EFCAB11: variants seen among roughly 807,000 people sequenced by gnomAD.
EFCAB11 encodes EF-hand calcium binding domain 11.
In EFCAB11, 14 loss-of-function variants were observed where a neutral mutation model predicts 23.0. The ratio of observed to expected loss-of-function variants is 0.61; its 90% CI spans 0.40 to 0.95. EFCAB11 has a LOEUF of 0.95. EFCAB11 is among the 40% of genes least tolerant of loss of function. The pLI is 0.00. For missense variants in EFCAB11, 198 were observed against 195.8 expected (o/e 1.01, Z -0.07); for synonymous variants, 65 against 66.6 (o/e 0.98, Z 0.11).
At chr14:89,936,423 T>C (rs1306738531) in intron 3 of EFCAB11, among the ~76,000 whole-genome samples, 1 of 152,252 alleles carries the variant, frequency 6.6e-6, no homozygotes, top group Non-Finnish European at 1.5e-5. Context: ...GGAGAAAATG[T>C]ATGTGGATTT....
At chr14:89,823,583 C>G (rs371138594) in intron 5 of EFCAB11, among the ~76,000 whole-genome samples, 2 of 152,086 alleles carry the variant, frequency 1.3e-5, no homozygotes, top group Admixed American at 6.6e-5. Flanking sequence ...TGCTAAGAAG[C>G]TGGAAAATGT....
intron 5 of EFCAB11, among the ~76,000 whole-genome samples, chr14:89,926,339 GCAAT>G (rs1313051738): frequency 1.3e-5 from 2 of 152,022 alleles, no homozygotes; most frequent in Non-Finnish European, 2.9e-5. Flanking sequence ...TTTCCCCCAA[GCAAT>G]CACTCATTTA....
In EFCAB11 at chr14:89,954,622, C is replaced by A. The variant is rs773488062; in HGVS notation, c.39G>T (p.Trp13Cys). 6.2e-7 allele frequency: 1 copy of A among 1,613,670 alleles called. No homozygotes were observed. Among genetic ancestry groups the A allele is most frequent in the Admixed American group, 1.7e-5 (1 of 60,018 alleles). Residue 13 changes from tryptophan to cysteine, a missense_variant, in exon 1 of 6, where the codon TGG (tryptophan) becomes TGT (cysteine). Coordinates refer to ENST00000316738, the MANE Select transcript of EFCAB11 (RefSeq NM_145231.4). The part of the protein sequence containing the change: ...FSEARARSRT[W>C]EASPSEHRKW... ...TCCTGTGTTCCGAGGGACTGGCTTC[C>A]CACGTCCGCGACCTGGCTCTGGCCT... is the stretch of plus-strand genomic sequence containing the variant.
At chr14:89,801,280 A>G (rs1596371324) in intron 5 of EFCAB11, among the ~76,000 whole-genome samples, 1 of 152,106 alleles carries the variant, frequency 6.6e-6, no homozygotes, top group African/African-American at 2.4e-5. Context: ...CCTCTCCCCT[A>G]TCTTCACCAA....
intron 5 of EFCAB11, among the ~76,000 whole-genome samples, chr14:89,918,959 G>T (rs1038901453): frequency 1.3e-5 from 2 of 150,690 alleles, no homozygotes; most frequent in African/African-American, 2.4e-5. Flanking sequence ...CCAGATCTCT[G>T]CATGAAATGG....
At chr14:89,940,327 G>A (rs1489256236) in intron 3 of EFCAB11, among the ~76,000 whole-genome samples, 1 of 152,004 alleles carries the variant, frequency 6.6e-6, no homozygotes. Flanking sequence ...TGTTCCATAG[G>A]AGCCAAAATA....
chr14:89,904,373 C>G (rs539401405), intron 5 of EFCAB11, among the ~76,000 whole-genome samples: 1 of 152,284 alleles, frequency 6.6e-6, no homozygotes, highest in Non-Finnish European at 1.5e-5. Flanking sequence ...TCTAGTCTAT[C>G]ATTGATGGAC....
At chr14:89,862,802 T>C (rs1887966729) in intron 5 of EFCAB11, among the ~76,000 whole-genome samples, 1 of 152,210 alleles carries the variant, frequency 6.6e-6, no homozygotes, top group African/African-American at 2.4e-5. Flanking sequence ...TTTAGTAGGT[T>C]TCTAAATCTT....
intron 5 of EFCAB11, among the ~76,000 whole-genome samples, chr14:89,876,685 G>T (rs1888449291): frequency 6.6e-6 from 1 of 152,198 alleles, no homozygotes; most frequent in South Asian, 2.1e-4. Flanking sequence ...CCTCTTGGCA[G>T]CGCTGCCTGT....
At chr14:89,934,581 C>T (rs1890515014) in intron 3 of EFCAB11, among the ~76,000 whole-genome samples, 2 of 152,170 alleles carry the variant, frequency 1.3e-5, no homozygotes, top group South Asian at 2.1e-4. Context: ...GGGCATATCT[C>T]CCTCACCTAC....
intron 5 of EFCAB11, among the ~76,000 whole-genome samples, chr14:89,864,563 G>A (rs985617536): frequency 6.6e-6 from 1 of 151,916 alleles, no homozygotes; most frequent in Non-Finnish European, 1.5e-5. Flanking sequence ...TAGTAGCTGG[G>A]ACTACAGGTG....
chr14:89,861,508 C>G (rs187829966), intron 5 of EFCAB11, among the ~76,000 whole-genome samples: 3 of 152,290 alleles, frequency 2.0e-5, no homozygotes, highest in Admixed American at 2.0e-4. Context: ...CTTCCTTGCC[C>G]AAGAATTAGT....
At chr14:89,906,782 C>T (rs987077734) in intron 5 of EFCAB11, among the ~76,000 whole-genome samples, 1 of 151,958 alleles carries the variant, frequency 6.6e-6, no homozygotes, top group African/African-American at 2.4e-5. Context: ...AAGGAAAATC[C>T]CAAGTCAGTT....
intron 5 of EFCAB11, among the ~76,000 whole-genome samples, chr14:89,903,830 A>G (rs999132151): frequency 6.6e-6 from 1 of 152,184 alleles, no homozygotes; most frequent in African/African-American, 2.4e-5. Context: ...ATCTCAAACC[A>G]CATCTATCAT....
chr14:89,892,490 G>C lies in EFCAB11; in HGVS notation c.410+39051C>G, dbSNP rs1425416406. The stretch of plus-strand genomic sequence containing the variant: ...AAGCAGTCCCAGCCTTAGCCCACCT[G>C]GTGGGATGGGGAATGTTAGTATCTC... On this transcript the variant is annotated intron_variant, in intron 5 of 5. Coordinates refer to ENST00000316738, the MANE Select transcript of EFCAB11 (RefSeq NM_145231.4). 8 of 1,417,682 alleles carry C rather than the reference G, an allele frequency of 5.6e-6. No homozygotes were observed. In the South Asian group the frequency reaches 1.1e-4, roughly 20 times the overall value. 87.8% of individuals were successfully genotyped at this position (1,417,682 alleles called of 1,614,324 possible).
chr14:89,818,749 T>C (rs891604173), intron 5 of EFCAB11, among the ~76,000 whole-genome samples: 1 of 152,152 alleles, frequency 6.6e-6, no homozygotes, highest in African/African-American at 2.4e-5. Context: ...AAAGAAGATA[T>C]GATGGAAAAT....
intron 3 of EFCAB11, among the ~76,000 whole-genome samples, chr14:89,947,131 G>A (rs1891013374): frequency 6.6e-6 from 1 of 152,088 alleles, no homozygotes; most frequent in Admixed American, 6.5e-5. Context: ...GAAGGAAGAT[G>A]GTGTAAAATG....
intron 5 of EFCAB11, among the ~76,000 whole-genome samples, chr14:89,891,974 C>T (rs1415480937): frequency 2.6e-5 from 4 of 152,144 alleles, no homozygotes; most frequent in Non-Finnish European, 4.4e-5. Flanking sequence ...GGCTGGGCCG[C>T]GGGTCAAGCT....
intron 5 of EFCAB11, among the ~76,000 whole-genome samples, chr14:89,862,922 A>G (rs1397495706): frequency 6.6e-6 from 1 of 152,246 alleles, no homozygotes; most frequent in African/African-American, 2.4e-5. Flanking sequence ...ACAATTATAC[A>G]TATGTACTTA....
Sources: allele counts gnomAD v4.1 joint callset (sites outside exome capture counted in the v4.1 genomes callset), GRCh38; gene constraint gnomAD v4.1.1; transcripts MANE v1.5; gene names NCBI Gene and HGNC (gene_info 2026-07-23, HGNC 2026-07-21).